SLC36A1: variants seen among roughly 807,000 people sequenced by gnomAD.
SLC36A1 encodes the protein proton-coupled amino acid transporter 1.
Under a neutral mutation model 47.5 loss-of-function variants are expected in SLC36A1, and 30 were observed. That is an observed-to-expected ratio of 0.63 (90% CI 0.47 to 0.86). The LOEUF (loss-of-function observed/expected upper bound fraction) is 0.86, where lower values mean the gene tolerates loss of function less well. Among genes scored for constraint, SLC36A1 ranks in the 40% least tolerant of loss-of-function variants. The pLI, the probability that SLC36A1 is intolerant of heterozygous loss-of-function variation, is 0.00. For synonymous variants in SLC36A1, 255 were observed against 249.7 expected (o/e 1.02, Z -0.20); for missense variants, 517 against 606.0 (o/e 0.85, Z 1.54).
chr5:151,458,320 ATATATATATATATGGGATATT>A lies in SLC36A1; in HGVS notation c.-5-454_-5-434del, dbSNP rs1561737898. On this transcript the variant is annotated intron_variant, in intron 1 of 10. Transcript: ENST00000243389. ...CATACACGTGTATATACGTATATATATATATATATATATGGGATATTTATATATATATATATACACACACGA... is the reference window on the plus strand; with the variant it reads ...CATACACGTGTATATACGTATATATATATATATATATATATACACACACGA... Among the ~76,000 whole-genome samples, 97 of 105,658 alleles carry A rather than the reference ATATATATATATATGGGATATT, an allele frequency of 9.2e-4. 1 individual carries two copies. The East Asian group carries it at 0.022, about 24-fold the overall frequency. The allele number at this position is 105,658 out of a possible 152,430, so 69.3% of individuals were successfully genotyped here. A position where few individuals can be genotyped will look rare whatever the true frequency, so the allele number is the denominator to read the frequency against.
chr5:151,479,497 G>T lies in SLC36A1; in HGVS notation c.1159+8G>T. ...TGCTGGTCTGCCTGACATGTGAGTAGAAGATGATAATTGCCTTGCTTGTTT... is the reference window on the plus strand; with the variant it reads ...TGCTGGTCTGCCTGACATGTGAGTATAAGATGATAATTGCCTTGCTTGTTT... On this transcript the variant is annotated splice_region_variant and intron_variant, in intron 10 of 10. Coordinates refer to ENST00000243389, the MANE Select transcript of SLC36A1 (RefSeq NM_078483.4). 1.2e-6 allele frequency: 2 copies of T among 1,608,534 alleles called. No individual in the cohort carries two copies. Among genetic ancestry groups the T allele is most frequent in the Non-Finnish European group, 1.7e-6 (2 of 1,175,720 alleles).
intron 2 of SLC36A1, among the ~76,000 whole-genome samples, chr5:151,460,476 G>A (rs1055976659): frequency 1.3e-5 from 2 of 152,140 alleles, no homozygotes; most frequent in Non-Finnish European, 2.9e-5. Context: ...CTTGTATTGT[G>A]ACATTTTCCA....
the SLC36A1 span, chr5:151,509,760 G>T: frequency 2.5e-6 from 1 of 396,068 alleles, no homozygotes; most frequent in Non-Finnish European, 4.6e-6. Flanking sequence ...GAAATAAAGT[G>T]TGCAATAAAT....
At chr5:151,500,609 C>T in the SLC36A1 span, among the ~76,000 whole-genome samples, 129 of 152,316 alleles carry the variant, frequency 8.5e-4, no homozygotes, top group Non-Finnish European at 1.6e-3. Context: ...CTCAGGTGAT[C>T]CAACCACCTC....
the SLC36A1 span, among the ~76,000 whole-genome samples, chr5:151,407,206 G>A: frequency 9.3e-4 from 142 of 152,356 alleles, 1 homozygote; most frequent in Non-Finnish European, 1.5e-3. Context: ...CTTGGAAGGG[G>A]ACCCGAATGG....
chr5:151,532,110 A>G, the SLC36A1 span: 1 of 1,117,132 alleles, frequency 9.0e-7, no homozygotes, highest in Non-Finnish European at 1.3e-6. Context: ...ATGAAGAGTG[A>G]GGGTCTCTCC....
chr5:151,467,320 A>AAACAGAG, intron 6 of SLC36A1, 37 bp downstream of exon 6: 1 of 976,078 alleles, frequency 1.0e-6, no homozygotes, highest in Non-Finnish European at 1.5e-6. Context: ...AAAAAAAAAA[A>AAACAGAG]CCAGAGCGAG....
the SLC36A1 span, among the ~76,000 whole-genome samples, chr5:151,409,347 C>T: frequency 6.6e-6 from 1 of 152,016 alleles, no homozygotes; most frequent in Non-Finnish European, 1.5e-5. Context: ...GCAGGAGGGC[C>T]CTCAGGAGGC....
chr5:151,426,684 CCT>C, the SLC36A1 span, among the ~76,000 whole-genome samples: 1 of 151,872 alleles, frequency 6.6e-6, no homozygotes, highest in African/African-American at 2.4e-5. Flanking sequence ...AAGAGGCCTT[CCT>C]CTTTCACTAA....
intron 7 of SLC36A1, among the ~76,000 whole-genome samples, chr5:151,469,585 C>A (rs1177881042): frequency 6.6e-6 from 1 of 152,052 alleles, no homozygotes; most frequent in East Asian, 1.9e-4. Flanking sequence ...TGTATAAATA[C>A]TTAAGATATT....
At chr5:151,449,355 C>T (rs1486803133) in intron 1 of SLC36A1, among the ~76,000 whole-genome samples, 2 of 152,136 alleles carry the variant, frequency 1.3e-5, no homozygotes, top group African/African-American at 4.8e-5. Context: ...AACATGTTTT[C>T]GTTAAAAATG....
chr5:151,473,570 T>C (rs559571806), intron 7 of SLC36A1, 103 bp from the exon 8 acceptor site: 1 of 714,686 alleles, frequency 1.4e-6, no homozygotes, highest in African/African-American at 1.8e-5. Context: ...TAGAGAATCT[T>C]GGATTTGTTA....
Position 151,488,445 on chromosome 5 carries a change from C to T in SLC36A1, c.*191C>T. On this transcript the variant is annotated 3_prime_UTR_variant, in exon 11 of 11. Transcript: ENST00000243389. The stretch of plus-strand genomic sequence containing the variant: ...GGGGAGAGGTGGGGTGGCAGACACG[C>T]AGAAGTGCTACTAGTGACAGGGCTG... 1 of 680,986 alleles carries T rather than the reference C, an allele frequency of 1.5e-6. No individual in the cohort carries two copies. Among genetic ancestry groups the T allele is most frequent in the Non-Finnish European group, 2.4e-6 (1 of 411,718 alleles). 42.2% of individuals were successfully genotyped at this position (680,986 alleles called of 1,614,324 possible).
the SLC36A1 span, among the ~76,000 whole-genome samples, chr5:151,533,835 C>T: frequency 1.3e-5 from 2 of 151,760 alleles, no homozygotes; most frequent in South Asian, 2.1e-4. Flanking sequence ...GAATAGAACA[C>T]TTTGTGGTAG....
chr5:151,551,460 C>T, the SLC36A1 span: 4 of 1,613,938 alleles, frequency 2.5e-6, no homozygotes, highest in Non-Finnish European at 2.5e-6. Context: ...CAGCCGAGGC[C>T]TCTAACCTGT....
chr5:151,465,315 G>A (rs1756186842), intron 5 of SLC36A1, 146 bp downstream of exon 5: 2 of 694,342 alleles, frequency 2.9e-6, no homozygotes, highest in South Asian at 3.2e-5. Flanking sequence ...TCTGCTGGTA[G>A]TAAGCTGTGT....
rs1759831543 is a variant in SLC36A1 at position 151,488,281 on chromosome 5, C to G, written c.*27C>G. ...GATCTGGGTTCGTCTCTGCAGCTGCCTACCCCTGCCCCATGTGTCCCCCGT... is the reference window on the plus strand; with the variant it reads ...GATCTGGGTTCGTCTCTGCAGCTGCGTACCCCTGCCCCATGTGTCCCCCGT... On this transcript the variant is annotated 3_prime_UTR_variant, in exon 11 of 11. Transcript: ENST00000243389. 6.2e-7 allele frequency: 1 copy of G among 1,608,400 alleles called. No homozygotes were observed. The highest frequency in any genetic ancestry group is 8.5e-7 in the Non-Finnish European group (1 of 1,176,626).
chr5:151,396,004 C>A, the SLC36A1 span, among the ~76,000 whole-genome samples: 1 of 151,818 alleles, frequency 6.6e-6, no homozygotes. Flanking sequence ...GAGATGGGAT[C>A]TCACCATGTT....
the SLC36A1 span, among the ~76,000 whole-genome samples, chr5:151,365,353 T>G: frequency 6.6e-6 from 1 of 152,228 alleles, no homozygotes; most frequent in Non-Finnish European, 1.5e-5. Context: ...TTCACCTGGT[T>G]AAGGTGCCCA....
Sources: allele counts gnomAD v4.1 joint callset (sites outside exome capture counted in the v4.1 genomes callset), GRCh38; gene constraint gnomAD v4.1.1; transcripts MANE v1.5; gene names NCBI Gene and HGNC (gene_info 2026-07-23, HGNC 2026-07-21).